CNBD1: variants seen among roughly 807,000 people sequenced by gnomAD.
The protein encoded by CNBD1 is cyclic nucleotide binding domain containing 1.
In CNBD1, 71 loss-of-function variants were observed where a neutral mutation model predicts 54.4. The ratio of observed to expected loss-of-function variants is 1.30; its 90% CI spans 1.08 to 1.59. The LOEUF (loss-of-function observed/expected upper bound fraction) is 1.59. Ranked by LOEUF, CNBD1 falls within the 40% of genes most tolerant of loss-of-function variation. The pLI is 0.00. For synonymous variants in CNBD1, 182 were observed against 170.7 expected (o/e 1.07, Z -0.51); for missense variants, 659 against 518.0 (o/e 1.27, Z -2.64).
chr8:87,241,978 G>A (rs1398436964), intron 6 of CNBD1, among the ~76,000 whole-genome samples: 13 of 152,086 alleles, frequency 8.5e-5, no homozygotes, highest in Non-Finnish European at 7.4e-5. Context: ...TCTTAGCCAA[G>A]AACATTACAA....
intron 5 of CNBD1, among the ~76,000 whole-genome samples, chr8:87,228,531 G>A (rs1028121282): frequency 1.3e-5 from 2 of 150,274 alleles, no homozygotes; most frequent in South Asian, 2.1e-4. Flanking sequence ...CTGCTGGGGG[G>A]TGCCTCCCAG....
intron 3 of CNBD1, among the ~76,000 whole-genome samples, chr8:86,927,476 G>C (rs1809381827): frequency 6.6e-6 from 1 of 152,138 alleles, no homozygotes; most frequent in Non-Finnish European, 1.5e-5. Context: ...AGGTGACTCT[G>C]AAGTTACTAT....
chr8:87,210,334 T>G (rs1472487404), intron 5 of CNBD1, among the ~76,000 whole-genome samples: 3 of 152,076 alleles, frequency 2.0e-5, no homozygotes, highest in African/African-American at 7.2e-5. Context: ...AAAAAGCTAT[T>G]ATGGGTGGAA....
chr8:87,028,708 T>C (rs1198597162), intron 4 of CNBD1, among the ~76,000 whole-genome samples: 1 of 152,296 alleles, frequency 6.6e-6, no homozygotes, highest in East Asian at 1.9e-4. Flanking sequence ...ATTGTCTGGA[T>C]GTGGTGATCT....
At position 87,322,550 on chromosome 8, in the gene CNBD1, G is replaced by A. The variant is rs1357027492; in HGVS notation, c.1043-29135G>A. Among the ~76,000 whole-genome samples, 4 of 118,286 alleles carry A rather than the reference G, an allele frequency of 3.4e-5. 1 individual carries two copies. The highest frequency in any genetic ancestry group is 7.5e-5 in the Non-Finnish European group (4 of 53,442). The allele number at this position is 118,286 out of a possible 152,430, so 77.6% of individuals were successfully genotyped here. A position where few individuals can be genotyped will look rare whatever the true frequency, so the allele number is the denominator to read the frequency against. On this transcript the variant is annotated intron_variant, in intron 8 of 10. Transcript: ENST00000518476. ...GGTTTTGATTTGCATTTCTCTGATGGCCAGTAATGATGAGCATTTTTTCAT... is the reference window on the plus strand; with the variant it reads ...GGTTTTGATTTGCATTTCTCTGATGACCAGTAATGATGAGCATTTTTTCAT...
chr8:87,379,420 A>C (rs112527457), intron 10 of CNBD1, among the ~76,000 whole-genome samples: 2 of 151,580 alleles, frequency 1.3e-5, no homozygotes, highest in Non-Finnish European at 2.9e-5. Context: ...CAAATCAACA[A>C]AATATACATT....
At chr8:87,285,180 A>G (rs1808668643) in intron 7 of CNBD1, among the ~76,000 whole-genome samples, 1 of 152,178 alleles carries the variant, frequency 6.6e-6, no homozygotes, top group African/African-American at 2.4e-5. Context: ...AGATAATAGT[A>G]CTGCTGCTTT....
intron 5 of CNBD1, among the ~76,000 whole-genome samples, chr8:87,216,944 C>T (rs948424499): frequency 6.6e-6 from 1 of 152,058 alleles, no homozygotes; most frequent in Non-Finnish European, 1.5e-5. Flanking sequence ...ATTGCTTTTA[C>T]GATCTTTTCT....
At chr8:87,355,811 T>A (rs76387617) in intron 10 of CNBD1, among the ~76,000 whole-genome samples, 3,668 of 152,202 alleles carry the variant, frequency 0.024, 151 homozygotes, top group African/African-American at 0.081. Context: ...TGTTTGTCCT[T>A]TCCAAATTTC....
At chr8:87,080,722 AATTT>A (rs1810974645) in intron 4 of CNBD1, among the ~76,000 whole-genome samples, 1 of 152,136 alleles carries the variant, frequency 6.6e-6, no homozygotes, top group African/African-American at 2.4e-5. Context: ...TTTAAATTAT[AATTT>A]ATTTATCTTA....
intron 5 of CNBD1, among the ~76,000 whole-genome samples, chr8:87,224,177 T>C (rs1391155856): frequency 6.6e-6 from 1 of 151,996 alleles, no homozygotes; most frequent in African/African-American, 2.4e-5. Flanking sequence ...GAAAATTTTC[T>C]CCCATTTTGT....
intron 4 of CNBD1, among the ~76,000 whole-genome samples, chr8:87,041,154 A>G (rs1053362425): frequency 2.6e-5 from 4 of 152,156 alleles, no homozygotes; most frequent in Non-Finnish European, 5.9e-5. Context: ...AGAAAATAGT[A>G]TAGCCTGAAG....
intron 4 of CNBD1, among the ~76,000 whole-genome samples, chr8:87,018,658 C>G (rs1291725355): frequency 6.6e-6 from 1 of 152,072 alleles, no homozygotes; most frequent in East Asian, 1.9e-4. Flanking sequence ...AAACCAAGAT[C>G]ATGGTATTCT....
intron 4 of CNBD1, among the ~76,000 whole-genome samples, chr8:87,120,492 G>A (rs938088949): frequency 6.6e-6 from 1 of 151,538 alleles, no homozygotes; most frequent in Non-Finnish European, 1.5e-5. Flanking sequence ...TAGTGTTAAT[G>A]TACATCTTGT....
chr8:87,061,201 G>A (rs951534572), intron 4 of CNBD1, among the ~76,000 whole-genome samples: 5 of 152,106 alleles, frequency 3.3e-5, no homozygotes, highest in African/African-American at 7.2e-5. Flanking sequence ...CTCACCAATC[G>A]GTGCTGGCTT....
chr8:87,322,881 T>C (rs1367595911), intron 8 of CNBD1, among the ~76,000 whole-genome samples: 2 of 118,328 alleles, frequency 1.7e-5, no homozygotes, highest in South Asian at 2.5e-4. Flanking sequence ...TCCTTGCCCA[T>C]GCCTAGGTCC....
chr8:87,373,712 G>C (rs1305961570), intron 10 of CNBD1, among the ~76,000 whole-genome samples: 1 of 151,704 alleles, frequency 6.6e-6, no homozygotes, highest in African/African-American at 2.4e-5. Context: ...AACTGGTTTA[G>C]CAAACAATAT....
chr8:87,375,585 G>A (rs147613238), intron 10 of CNBD1, among the ~76,000 whole-genome samples: 223 of 151,760 alleles, frequency 1.5e-3, no homozygotes, highest in African/African-American at 4.9e-3. Flanking sequence ...ATTTTCTTAG[G>A]CTATCATAGG....
chr8:86,998,566 C>G (rs999490299), intron 4 of CNBD1, among the ~76,000 whole-genome samples: 3 of 152,088 alleles, frequency 2.0e-5, no homozygotes, highest in African/African-American at 7.2e-5. Context: ...TACCTATATC[C>G]ACAAATCACT....
Sources: gnomAD v4.1 joint callset for allele counts (sites outside exome capture counted in the v4.1 genomes callset) on GRCh38, gnomAD v4.1.1 for gene constraint, MANE v1.5 for transcripts, NCBI Gene and HGNC (gene_info 2026-07-23, HGNC 2026-07-21) for gene names.